NPC1: variants seen among roughly 807,000 people sequenced by gnomAD.
NPC1 encodes NPC intracellular cholesterol transporter 1.
A neutral mutation model predicts 140.4 loss-of-function variants in NPC1; 85 were observed. The ratio of observed to expected loss-of-function variants is 0.61; its 90% CI spans 0.51 to 0.72. The LOEUF (loss-of-function observed/expected upper bound fraction) is 0.72, where lower values mean the gene tolerates loss of function less well. Ranked by LOEUF, NPC1 falls within the 30% of genes least tolerant of loss-of-function variation. The probability of loss-of-function intolerance (pLI) is 0.00; values close to 1 mark genes in which losing one functional copy is unlikely to be tolerated. For missense variants in NPC1, 1,504 were observed against 1,623.8 expected (o/e 0.93, Z 1.27); for synonymous variants, 656 against 624.8 (o/e 1.05, Z -0.74).
chr18:23,578,370 A>G (rs1034571303), intron 1 of NPC1, among the ~76,000 whole-genome samples: 2 of 152,210 alleles, frequency 1.3e-5, no homozygotes, highest in Admixed American at 6.5e-5. Context: ...AATAAAAGAG[A>G]ATCAGCTGCA....
chr18:23,529,956 C>CT, downstream of NPC1: 2 of 1,392,368 alleles, frequency 1.4e-6, no homozygotes, highest in Middle Eastern at 1.8e-4. Context: ...ATAGCCAGTC[C>CT]TTGGGGAGCC....
intron 10 of NPC1, 115 bp from the exon 11 acceptor site, chr18:23,548,223 CTGGGCTCTAAGAATTAAACAAGAGTT>C: frequency 1.4e-6 from 1 of 734,150 alleles, no homozygotes; most frequent in Non-Finnish European, 2.5e-6. Flanking sequence ...GACTGTATCT[CTGGGCTCTAAGAATTAAACAAGAGTT>C]TGCTGAAATA....
chr18:23,514,241 C>T (rs1598861660), intron 3 of NPC1, among the ~76,000 whole-genome samples: 1 of 152,324 alleles, frequency 6.6e-6, no homozygotes, highest in Non-Finnish European at 1.5e-5. Context: ...ACTGGCTGGG[C>T]ACGGTGGCTC....
chr18:23,530,388 G>A (rs1396419968), downstream of NPC1: 7 of 1,613,976 alleles, frequency 4.3e-6, no homozygotes, highest in Non-Finnish European at 5.9e-6. Context: ...TACTGCTAGC[G>A]ACTTTCAACA....
intron 3 of NPC1, chr18:23,509,177 A>T (rs952662774): frequency 9.9e-6 from 12 of 1,211,416 alleles, no homozygotes; most frequent in East Asian, 5.9e-5. Context: ...AAATATTTTT[A>T]AAAAATTTTT....
chr18:23,551,697 C>G lies in NPC1; in HGVS notation c.1584G>C (p.Leu528Phe), dbSNP rs1567961452. 6.2e-7 allele frequency: 1 copy of G among 1,614,150 alleles called. No individual in the cohort carries two copies. Among genetic ancestry groups the G allele is most frequent in the South Asian group, 1.1e-5 (1 of 91,082 alleles). ...RAPASLNDTS[L>F]LHDPCLGTFG... ...ACGTACCCAGACAAGGGTCATGGAG[C>G]AAACTTGTATCATTCAGAGAGGCAG... Residue 528 changes from leucine (L) to phenylalanine (F), a missense_variant, in exon 10 of 25, where the codon TTG (leucine) becomes TTC (phenylalanine). Leu to Phe is a conservative substitution (Grantham distance 22). Coordinates refer to ENST00000269228, the MANE Select transcript of NPC1 (RefSeq NM_000271.5).
chr18:23,585,999 T>G (rs1225695815), intron 1 of NPC1, among the ~76,000 whole-genome samples: 1 of 152,194 alleles, frequency 6.6e-6, no homozygotes, highest in African/African-American at 2.4e-5. Flanking sequence ...TCTACCCACT[T>G]TCCTCCCTTC....
chr18:23,560,233 G>A lies in NPC1; in HGVS notation c.879C>T (p.Tyr293=), dbSNP rs772979954. 1.2e-6 allele frequency: 2 copies of A among 1,614,108 alleles called. No individual in the cohort carries two copies. Among genetic ancestry groups the A allele is most frequent in the Non-Finnish European group, 1.7e-6 (2 of 1,180,006 alleles). Reference sequence around the variant, plus strand: ...GGATGACAAACAAAACTGCTTACCTGTAGCACCACACTGCAAAAAATGCTC... The same window carrying A: ...GGATGACAAACAAAACTGCTTACCTATAGCACCACACTGCAAAAAATGCTC... The part of the protein sequence containing the change: ...FFGAFFAVWC[Y]RKRYFVSEYT... The change falls in exon 6 of 25, where the codon TAC becomes TAT. Residue 293 remains tyrosine (Y), a splice_region_variant and synonymous_variant. Transcript: ENST00000269228.
At chr18:23,535,867 C>T (rs2058622460) in intron 21 of NPC1, among the ~76,000 whole-genome samples, 167 bp from the exon 22 acceptor site, 1 of 152,198 alleles carries the variant, frequency 6.6e-6, no homozygotes, top group Admixed American at 6.5e-5. Flanking sequence ...CTTGACCTCT[C>T]ATGGCCACTG....
At chr18:23,545,261 GA>G in intron 11 of NPC1, 112 bp from the exon 12 acceptor site, 1 of 799,220 alleles carries the variant, frequency 1.3e-6, no homozygotes, top group Non-Finnish European at 2.1e-6. Flanking sequence ...TTTTGGTTTT[GA>G]GACTGATTCT....
chr18:23,543,687 G>A (rs2058744334), intron 13 of NPC1, 118 bp from the exon 14 acceptor site: 1 of 690,950 alleles, frequency 1.4e-6, no homozygotes, highest in African/African-American at 1.8e-5. Flanking sequence ...GATTAGCAGT[G>A]TCTTCTAAGC....
chr18:23,543,486 T>TGA lies in NPC1; in HGVS notation c.2212_2213dup (p.Ser739HisfsTer7). 6.2e-7 allele frequency: 1 copy of TGA among 1,611,122 alleles called. No homozygotes were observed. Among genetic ancestry groups the TGA allele is most frequent in the East Asian group, 2.2e-5 (1 of 44,832 alleles). On this transcript the variant is annotated frameshift_variant, in exon 14 of 25. Coordinates refer to ENST00000269228, the MANE Select transcript of NPC1 (RefSeq NM_000271.5). LOFTEE classifies it high-confidence loss of function. Reference sequence around the variant, plus strand: ...AAAATGCTACAGTCTCAGAAAAGGATGACAGGAACATACTGGGAGCCACTT... The same window carrying TGA: ...AAAATGCTACAGTCTCAGAAAAGGATGAGACAGGAACATACTGGGAGCCACTT...
downstream of NPC1, chr18:23,524,359 G>A (rs2058232576): frequency 1.5e-5 from 23 of 1,561,952 alleles, no homozygotes; most frequent in Non-Finnish European, 1.9e-5. Flanking sequence ...GCAGGGGCGA[G>A]TGCTAGCGGA....
chr18:23,513,780 A>T (rs1253592781), intron 3 of NPC1, among the ~76,000 whole-genome samples: 2 of 152,068 alleles, frequency 1.3e-5, no homozygotes, highest in Non-Finnish European at 2.9e-5. Flanking sequence ...TTGATTAGTG[A>T]TGTTGAGCAC....
At chr18:23,540,874 C>T (rs2058703604) in intron 16 of NPC1, among the ~76,000 whole-genome samples, 194 bp downstream of exon 16, 1 of 152,142 alleles carries the variant, frequency 6.6e-6, no homozygotes, top group East Asian at 1.9e-4. Context: ...AAACTTAAAA[C>T]TCTTGTTTAT....
intron 1 of NPC1, among the ~76,000 whole-genome samples, chr18:23,574,478 C>G (rs2059247081): frequency 6.6e-6 from 1 of 152,124 alleles, no homozygotes; most frequent in African/African-American, 2.4e-5. Context: ...GAAGTCACAA[C>G]ATGAAATTCT....
intron 3 of NPC1, chr18:23,508,514 G>A (rs2057769310): frequency 6.5e-6 from 1 of 152,672 alleles, no homozygotes. Flanking sequence ...ACATTAATGA[G>A]ATTTGCTGGG....
At position 23,531,989 on chromosome 18, in the gene NPC1, T is replaced by C. The variant is rs1252441713; in HGVS notation, c.*213A>G. On this transcript the variant is annotated 3_prime_UTR_variant, in exon 25 of 25. Transcript: ENST00000269228. ...TTTCCTGAAGAGGCTGGGAGAAGTTTAGTGTCCTGTGGTTGCCTCCAGATC... is the reference window on the plus strand; with the variant it reads ...TTTCCTGAAGAGGCTGGGAGAAGTTCAGTGTCCTGTGGTTGCCTCCAGATC... 6.8e-7 allele frequency: 1 copy of C among 1,464,006 alleles called. No homozygotes were observed. The highest frequency in any genetic ancestry group is 9.0e-7 in the Non-Finnish European group (1 of 1,114,268). 90.7% of individuals were successfully genotyped at this position (1,464,006 alleles called of 1,614,324 possible). A position where few individuals can be genotyped will look rare whatever the true frequency, so the allele number is the denominator to read the frequency against.
At chr18:23,549,309 G>A (rs1443336561) in intron 10 of NPC1, among the ~76,000 whole-genome samples, 3 of 152,136 alleles carry the variant, frequency 2.0e-5, no homozygotes, top group Non-Finnish European at 4.4e-5. Flanking sequence ...CAATCCTCCT[G>A]CCTTGGCCTC....
Sources: allele counts gnomAD v4.1 joint callset (sites outside exome capture counted in the v4.1 genomes callset), GRCh38; gene constraint gnomAD v4.1.1; transcripts MANE v1.5; gene names NCBI Gene and HGNC (gene_info 2026-07-23, HGNC 2026-07-21).